The following COL4A6 variants were observed in gnomAD, a reference collection of about 807,000 sequenced individuals.
The protein encoded by COL4A6 is collagen alpha-6(IV) chain.
COL4A6 carries 59 observed loss-of-function variants against 126.7 expected under a neutral mutation model. That is an observed-to-expected ratio of 0.47 (90% confidence interval 0.38 to 0.58). The LOEUF is 0.58. Ranked by LOEUF, COL4A6 falls within the 20% of genes least tolerant of loss-of-function variation. The probability of loss-of-function intolerance (pLI) is 0.00; values close to 1 mark genes in which losing one functional copy is unlikely to be tolerated. For missense variants in COL4A6, 1,285 were observed against 1,337.3 expected (o/e 0.96, Z 0.61); for synonymous variants, 547 against 496.6 (o/e 1.10, Z -1.35).
chrX:108,318,712 A>G (rs1273325373), intron 2 of COL4A6, among the ~76,000 whole-genome samples: 1 of 112,372 alleles, frequency 8.9e-6, no homozygotes, highest in Non-Finnish European at 1.9e-5. Flanking sequence ...CCACTGCTCA[A>G]TGAAATAAAA....
intron 2 of COL4A6, among the ~76,000 whole-genome samples, chrX:108,410,840 G>T (rs1240563945): frequency 9.0e-6 from 1 of 111,653 alleles, no homozygotes; most frequent in Non-Finnish European, 1.9e-5. Flanking sequence ...TTTTCACCAA[G>T]AACTCAATTT....
intron 2 of COL4A6, among the ~76,000 whole-genome samples, chrX:108,376,283 A>G (rs2040431644): frequency 9.0e-6 from 1 of 111,531 alleles, no homozygotes; most frequent in Admixed American, 9.6e-5. Context: ...ACCATAAGCC[A>G]TAACATTTTA....
intron 2 of COL4A6, among the ~76,000 whole-genome samples, chrX:108,393,288 T>C (rs544579282): frequency 8.9e-6 from 1 of 112,695 alleles, no homozygotes; most frequent in South Asian, 3.6e-4. Context: ...TACATTGGAA[T>C]ATTATTCAAC....
intron 23 of COL4A6, among the ~76,000 whole-genome samples, chrX:108,184,147 GT>G (rs746303831): frequency 6.2e-5 from 7 of 112,327 alleles, no homozygotes; most frequent in Admixed American, 9.4e-5. Flanking sequence ...TAGCATCTTA[GT>G]TTTTTTCTAG....
chrX:108,173,987 A>T (rs1569330486), intron 31 of COL4A6, among the ~76,000 whole-genome samples: 2 of 112,672 alleles, frequency 1.8e-5, no homozygotes, highest in Non-Finnish European at 3.7e-5. Flanking sequence ...CTCAACATGA[A>T]ATGCTGGCAG....
At chrX:108,228,790 C>T (rs758271608) in intron 3 of COL4A6, among the ~76,000 whole-genome samples, 43 of 112,371 alleles carry the variant, frequency 3.8e-4, no homozygotes, top group Admixed American at 3.0e-3. Flanking sequence ...GTCCCTCCCA[C>T]GACATGTGGG....
chrX:108,167,498 G>A (rs941338710), intron 37 of COL4A6, among the ~76,000 whole-genome samples: 6 of 110,637 alleles, frequency 5.4e-5, no homozygotes, highest in African/African-American at 2.0e-4. Flanking sequence ...ACTATGCCCT[G>A]CTAATTTTTG....
At chrX:108,299,212 C>T (rs1245668506) in intron 3 of COL4A6, among the ~76,000 whole-genome samples, 2 of 111,757 alleles carry the variant, frequency 1.8e-5, no homozygotes, top group Admixed American at 1.9e-4. Flanking sequence ...GCAAATGTTG[C>T]TGTGTATATG....
intron 4 of COL4A6, among the ~76,000 whole-genome samples, chrX:108,220,128 C>G (rs1602846952): frequency 8.9e-6 from 1 of 111,881 alleles, no homozygotes; most frequent in East Asian, 2.8e-4. Flanking sequence ...GGACCAGGTG[C>G]AATTCCTGCT....
At position 108,264,823 on chromosome X, in the gene COL4A6, G is replaced by A. The variant is rs918514568; in HGVS notation, c.145-43449C>T. The stretch of plus-strand genomic sequence containing the variant: ...GACTGGAGAGGTAAGTGCACATTAA[G>A]CATGCCAAGGATCCTGAAGTCTGCA... On this transcript the variant is annotated intron_variant, in intron 3 of 44. Coordinates refer to ENST00000334504, the MANE Select transcript of COL4A6 (RefSeq NM_033641.4). 8.1e-5 allele frequency among the ~76,000 whole-genome samples: 9 copies of A among 111,119 alleles called. No homozygotes were observed. In the South Asian group the frequency reaches 1.5e-3, roughly 19 times the overall value.
chrX:108,156,037 C>T lies in COL4A6; in HGVS notation c.*963G>A, dbSNP rs1386469374. The T allele has an allele frequency of 8.9e-6, 1 of 112,136 alleles. No individual in the cohort carries two copies. The highest frequency in any genetic ancestry group is 1.9e-5 in the Non-Finnish European group (1 of 53,237). 9.2% of individuals were successfully genotyped at this position (112,136 alleles called of 1,213,427 possible). ...TAACATCCTCAGAATACAAGGAAAC[C>T]AACACTGTGCAGCTTCAGTTTGCCA... On this transcript the variant is annotated 3_prime_UTR_variant, in exon 45 of 45. Coordinates refer to ENST00000334504, the MANE Select transcript of COL4A6 (RefSeq NM_033641.4).
intron 3 of COL4A6, among the ~76,000 whole-genome samples, chrX:108,226,412 C>T (rs765692531): frequency 3.6e-5 from 4 of 111,238 alleles, no homozygotes; most frequent in Non-Finnish European, 5.7e-5. Context: ...CAGTACCCCA[C>T]ATCTGTGAGA....
intron 18 of COL4A6, 55 bp downstream of exon 18, chrX:108,192,418 G>T: frequency 1.1e-6 from 1 of 892,673 alleles, no homozygotes; most frequent in Non-Finnish European, 1.6e-6. Flanking sequence ...GGAATGCTGG[G>T]AACCACAGTG....
chrX:108,195,745 T>C (rs890646034), intron 14 of COL4A6, among the ~76,000 whole-genome samples: 6 of 111,944 alleles, frequency 5.4e-5, no homozygotes, highest in African/African-American at 1.9e-4. Flanking sequence ...AAATAGATTA[T>C]GGGAGGGCCT....
chrX:108,345,886 T>G (rs759042483), intron 2 of COL4A6, among the ~76,000 whole-genome samples: 17 of 111,894 alleles, frequency 1.5e-4, no homozygotes, highest in African/African-American at 4.5e-4. Context: ...CAGGTACCAC[T>G]GCAGATAAAT....
At position 108,192,359 on chromosome X, in the gene COL4A6, T is replaced by G. The variant is rs977838627; in HGVS notation, c.1180+114A>C. 3 of 490,917 alleles carry G rather than the reference T, an allele frequency of 6.1e-6. No individual in the cohort carries two copies. The Admixed American group carries it at 9.9e-5, about 16-fold the overall frequency. The allele number at this position is 490,917 out of a possible 1,213,427, so 40.5% of individuals were successfully genotyped here. Reference sequence around the variant, plus strand: ...GGGAACCTACTGACTACAGTCTACCTCTTGTTTGACTTTGGCTAGGTGTGT... The same window carrying G: ...GGGAACCTACTGACTACAGTCTACCGCTTGTTTGACTTTGGCTAGGTGTGT... On this transcript the variant is annotated intron_variant, in intron 18 of 44. Transcript: ENST00000334504.
At chrX:108,394,912 G>C (rs1445993463) in intron 2 of COL4A6, among the ~76,000 whole-genome samples, 1 of 110,656 alleles carries the variant, frequency 9.0e-6, no homozygotes, top group African/African-American at 3.3e-5. Flanking sequence ...CTTGATCTAG[G>C]TGGTTTTATA....
chrX:108,389,697 G>A (rs2040788162), intron 2 of COL4A6, among the ~76,000 whole-genome samples: 1 of 111,386 alleles, frequency 9.0e-6, no homozygotes, highest in Non-Finnish European at 1.9e-5. Context: ...GTCAGTCTGT[G>A]TCTTTTAATT....
At chrX:108,283,009 A>T in intron 3 of COL4A6, among the ~76,000 whole-genome samples, 1 of 45,010 alleles carries the variant, frequency 2.2e-5, no homozygotes, top group South Asian at 2.3e-3. Context: ...GGGTGGGGGG[A>T]GGGGGGAGGG....
Sources: gnomAD v4.1 joint callset for allele counts (sites outside exome capture counted in the v4.1 genomes callset) on GRCh38, gnomAD v4.1.1 for gene constraint, MANE v1.5 for transcripts, NCBI Gene and HGNC (gene_info 2026-07-23, HGNC 2026-07-21) for gene names.